The following SCRIB variants were observed in gnomAD, a reference collection of about 807,000 sequenced individuals.
SCRIB encodes scribble planar cell polarity protein, also known as protein scribble homolog.
Under a neutral mutation model 170.0 loss-of-function variants are expected in SCRIB, and 72 were observed. The observed-to-expected ratio is 0.42, with a 90% CI of 0.35 to 0.52. The LOEUF (loss-of-function observed/expected upper bound fraction) is 0.52. Ranked by LOEUF, SCRIB falls within the 20% of genes least tolerant of loss-of-function variation. The pLI, the probability that SCRIB is intolerant of heterozygous loss-of-function variation, is 0.02. For missense variants in SCRIB, 2,475 were observed against 2,338.5 expected, an observed-to-expected ratio of 1.06 and a Z score of -1.20; for synonymous variants, 1,298 against 1,044.3, an observed-to-expected ratio of 1.24 and a Z score of -4.68.
intron 24 of SCRIB, among the ~76,000 whole-genome samples, chr8:143,797,796 G>A (rs1815006148): frequency 6.6e-6 from 1 of 152,270 alleles, no homozygotes; most frequent in Non-Finnish European, 1.5e-5. Context: ...AAGGAGACTA[G>A]AGGGATGCGG....
At chr8:143,794,889 TG>T in intron 27 of SCRIB, 148 bp downstream of exon 27, 1 of 673,494 alleles carries the variant, frequency 1.5e-6, no homozygotes, top group Non-Finnish European at 2.5e-6. Context: ...TGTGCCAGGC[TG>T]GGGTAGCCTG....
rs1277574620 is a variant in SCRIB at position 143,803,425 on chromosome 8, C to T, written c.3561G>A (p.Leu1187=). The part of the protein sequence containing the change: ...LRSVGDTLTV[L]VCDGFEASTD... The stretch of plus-strand genomic sequence containing the variant: ...TGCTGGCCTCAAAGCCGTCACAGAC[C>T]AGCACGGTGAGGGTGTCGCCCACAC... The change falls in exon 24 of 37, where the codon CTG becomes CTA. Residue 1187 remains leucine, a synonymous_variant. Transcript: ENST00000356994. 2 of 1,594,796 alleles carry T rather than the reference C, an allele frequency of 1.3e-6. No homozygotes were observed. Among genetic ancestry groups the T allele is most frequent in the African/African-American group, 2.7e-5 (2 of 74,786 alleles).
intron 9 of SCRIB, 85 bp downstream of exon 9, chr8:143,812,181 C>A: frequency 1.1e-6 from 1 of 911,672 alleles, no homozygotes; most frequent in Non-Finnish European, 1.8e-6. Flanking sequence ...CCAGCACCCC[C>A]CAGCAGCAGA....
Position 143,808,824 on chromosome 8 carries a change from G to T in SCRIB, c.1900C>A (p.Pro634Thr). Residue 634 changes from proline to threonine, a missense_variant, in exon 15 of 37, where the codon CCT becomes ACT. Coordinates refer to ENST00000356994, the MANE Select transcript of SCRIB (RefSeq NM_182706.5). ...AVVALLQGMQ[P>T]DGEGPVAPGG... ...GGAGCCACAGGGCCCTCCCCATCAGGCTGCATGCCCTGCAGCAGAGCCACA... is the reference window on the plus strand; with the variant it reads ...GGAGCCACAGGGCCCTCCCCATCAGTCTGCATGCCCTGCAGCAGAGCCACA... 1 of 1,611,892 alleles carries T rather than the reference G, an allele frequency of 6.2e-7. No individual in the cohort carries two copies. Among genetic ancestry groups the T allele is most frequent in the Non-Finnish European group, 8.5e-7 (1 of 1,179,776 alleles).
In SCRIB at chr8:143,807,600, G is replaced by T. The variant is rs782371556; in HGVS notation, c.2130C>A (p.Asp710Glu). 1 of 1,613,852 alleles carries T rather than the reference G, an allele frequency of 6.2e-7. No homozygotes were observed. Among genetic ancestry groups the T allele is most frequent in the East Asian group, 2.2e-5 (1 of 44,856 alleles). The part of the protein sequence containing the change: ...SAPSVKGVSF[D>E]QANNLLIEPA... Reference sequence around the variant, plus strand: ...GCTCTATCAGCAGGTTATTGGCCTGGTCAAACGACACTCCCTGTTAGGACA... The same window carrying T: ...GCTCTATCAGCAGGTTATTGGCCTGTTCAAACGACACTCCCTGTTAGGACA... Residue 710 changes from aspartate (D) to glutamate (E), a missense_variant, in exon 16 of 37, where the codon GAC (aspartate) becomes GAA (glutamate). By Grantham distance (45) the Asp-to-Glu change is conservative. This residue lies in a region of SCRIB where 1,966 missense variants were observed against 1,742.9 expected (regional missense o/e 1.13). Coordinates refer to ENST00000356994, the MANE Select transcript of SCRIB (RefSeq NM_182706.5).
intron 24 of SCRIB, among the ~76,000 whole-genome samples, chr8:143,798,119 G>C (rs79567974): frequency 3.3e-5 from 5 of 151,994 alleles, no homozygotes; most frequent in Non-Finnish European, 7.4e-5. Flanking sequence ...AGATTTTTTC[G>C]GTGGCAGACG....
rs767318962 is a variant in SCRIB, at chr8:143,808,728, C to T, written c.1996G>A (p.Glu666Lys). 3 of 1,598,374 alleles carry T rather than the reference C, an allele frequency of 1.9e-6. No homozygotes were observed. Among genetic ancestry groups the T allele is most frequent in the African/African-American group, 2.7e-5 (2 of 74,682 alleles). ...TCCTCCTCCTCCTGAGGACTACCCT[C>T]TTCCTCCTCCTCCTCCTCCTTCTGG... ...RAQKEEEEEE[E>K]GSPQEEEEEE... The change falls in exon 15 of 37, where the codon GAG (glutamate) becomes AAG (lysine). Residue 666 changes from glutamate to lysine, a missense_variant. Transcript: ENST00000356994.
intron 1 of SCRIB, among the ~76,000 whole-genome samples, chr8:143,814,610 C>T (rs1025434919): frequency 1.3e-4 from 20 of 152,342 alleles, no homozygotes; most frequent in East Asian, 1.2e-3. Context: ...GTCACTGCCA[C>T]GGCCAGAACA....
rs374927932 is a variant in SCRIB at position 143,795,265 on chromosome 8, G to C, written c.3771+12C>G. On this transcript the variant is annotated intron_variant, in intron 26 of 36. Coordinates refer to ENST00000356994, the MANE Select transcript of SCRIB (RefSeq NM_182706.5). ...GTGCCCTGATGTGAGGGGGTGGGGCGACCACACTCACTGCGGCTTCTGTGG... is the reference window on the plus strand; with the variant it reads ...GTGCCCTGATGTGAGGGGGTGGGGCCACCACACTCACTGCGGCTTCTGTGG... 2 of 1,612,298 alleles carry C rather than the reference G, an allele frequency of 1.2e-6. No homozygotes were observed. Among genetic ancestry groups the C allele is most frequent in the African/African-American group, 2.7e-5 (2 of 74,902 alleles).
chr8:143,792,943 C>A, intron 29 of SCRIB, 33 bp downstream of exon 29: 1 of 1,501,230 alleles, frequency 6.7e-7, no homozygotes, highest in Non-Finnish European at 8.9e-7. Flanking sequence ...ACCCCAACCA[C>A]GCGCAGCAGG....
chr8:143,813,976 C>T (rs777322328), intron 2 of SCRIB, 25 bp downstream of exon 2: 20 of 1,571,934 alleles, frequency 1.3e-5, no homozygotes, highest in Non-Finnish European at 3.5e-6. Flanking sequence ...CCAGACCCCA[C>T]CCAGCCCCTG....
chr8:143,805,459 T>C (rs934722471), intron 18 of SCRIB, 24 bp from the exon 19 acceptor site: 3 of 1,453,118 alleles, frequency 2.1e-6, no homozygotes, highest in African/African-American at 2.9e-5. Context: ...ACCACGTGCG[T>C]ATTCAGGACC....
At chr8:143,813,185 C>A (rs375184917) in intron 6 of SCRIB, 81 bp from the exon 7 acceptor site, 1 of 1,585,464 alleles carries the variant, frequency 6.3e-7, no homozygotes, top group Non-Finnish European at 8.6e-7. Flanking sequence ...TACGCCCCCA[C>A]ACCCAGCTCC....
chr8:143,809,537 C>T lies in SCRIB; in HGVS notation c.1698+14G>A, dbSNP rs1290784208. ...GCAGGCCCAGCCTCCTGCCTCCTTCCTGCCAATCCACACCTCCTGGTAGTC... is the reference window on the plus strand; with the variant it reads ...GCAGGCCCAGCCTCCTGCCTCCTTCTTGCCAATCCACACCTCCTGGTAGTC... On this transcript the variant is annotated intron_variant, in intron 14 of 36. Transcript: ENST00000356994. 6.2e-7 allele frequency: 1 copy of T among 1,601,780 alleles called. No individual in the cohort carries two copies. Among genetic ancestry groups the T allele is most frequent in the Non-Finnish European group, 8.5e-7 (1 of 1,173,140 alleles).
At chr8:143,806,378 C>G (rs782367454) in intron 18 of SCRIB, 29 bp downstream of exon 18, 1 of 1,564,062 alleles carries the variant, frequency 6.4e-7, no homozygotes, top group South Asian at 1.2e-5. Flanking sequence ...GCACAGCTGC[C>G]ACTCGGGGCG....
At chr8:143,791,508 G>T in intron 35 of SCRIB, 68 bp from the exon 36 acceptor site, 2 of 1,596,198 alleles carry the variant, frequency 1.3e-6, no homozygotes, top group Admixed American at 1.7e-5. Flanking sequence ...TGGACGGGTG[G>T]GCTCCCAGCC....
Position 143,806,990 on chromosome 8 carries a change from C to A in SCRIB, c.2202G>T (p.Gln734His). The A allele has an allele frequency of 6.2e-7, 1 of 1,613,264 alleles. No individual in the cohort carries two copies. Among genetic ancestry groups the A allele is most frequent in the East Asian group, 2.2e-5 (1 of 44,838 alleles). The change falls in exon 17 of 37, where the codon CAG (glutamine) becomes CAT (histidine). Residue 734 changes from glutamine to histidine, a missense_variant. Around this residue, in one of 3 missense-constraint regions of SCRIB, gnomAD observed 1,966 missense variants for 1,742.9 expected, o/e 1.13. Coordinates refer to ENST00000356994, the MANE Select transcript of SCRIB (RefSeq NM_182706.5). Reference protein sequence around the residue: ...EEELTLTILRQTGGLGISIAG... With the variant: ...EEELTLTILRHTGGLGISIAG... Reference sequence around the variant, plus strand: ...CAATGCTGATGCCCAGGCCCCCAGTCTGCCGCAGGATAGTGAGGGTCAGCT... The same window carrying A: ...CAATGCTGATGCCCAGGCCCCCAGTATGCCGCAGGATAGTGAGGGTCAGCT...
At position 143,792,593 on chromosome 8, in the gene SCRIB, G is replaced by T; in HGVS notation, c.4220C>A (p.Ala1407Glu). The change falls in exon 31 of 37, where the codon GCG becomes GAG. Residue 1407 changes from alanine to glutamate, a missense_variant. Physicochemically the swap from Ala to Glu is moderately radical, Grantham distance 107 (BLOSUM62 -1). Around this residue, in one of 3 missense-constraint regions of SCRIB, gnomAD observed 1,966 missense variants for 1,742.9 expected, o/e 1.13. Transcript: ENST00000356994. ...CCTCGCTTCGGCCCCAGCCTCTGCC[G>T]CCTCCCGCAGCATCTGCGCTCTCTT... is the stretch of plus-strand genomic sequence containing the variant. ...QQKRAQMLRE[A>E]AEAGAEARLA... The T allele has an allele frequency of 6.3e-7, 1 of 1,587,724 alleles. No individual in the cohort carries two copies. The highest frequency in any genetic ancestry group is 8.5e-7 in the Non-Finnish European group (1 of 1,174,342).
At chr8:143,807,699 G>C (rs1471671516) in intron 15 of SCRIB, 85 bp from the exon 16 acceptor site, 3 of 1,102,512 alleles carry the variant, frequency 2.7e-6, no homozygotes, top group Admixed American at 1.7e-5. Context: ...GCCACAAGCA[G>C]AAAGGACAGA....
Sources: gnomAD v4.1 joint callset for allele counts (sites outside exome capture counted in the v4.1 genomes callset) on GRCh38, gnomAD v4.1.1 for gene constraint, gnomAD v4.1.1 regional missense constraint, MANE v1.5 for transcripts, NCBI Gene and HGNC (gene_info 2026-07-23, HGNC 2026-07-21) for gene names.